The following TRAFD1 variants were observed in gnomAD, a reference collection of about 807,000 sequenced individuals.
The protein encoded by TRAFD1 is TRAF-type zinc finger domain-containing protein 1.
Under a neutral mutation model 65.3 loss-of-function variants are expected in TRAFD1, and 38 were observed. The observed-to-expected ratio is 0.58, with a 90% confidence interval of 0.45 to 0.76. The LOEUF is 0.76. Among genes scored for constraint, TRAFD1 ranks in the 30% least tolerant of loss-of-function variants. The probability of loss-of-function intolerance (pLI) is 0.00; values close to 1 mark genes in which losing one functional copy is unlikely to be tolerated. For missense variants in TRAFD1, 631 were observed against 712.6 expected, an observed-to-expected ratio of 0.89 and a Z score of 1.30; for synonymous variants, 223 against 257.2, an observed-to-expected ratio of 0.87 and a Z score of 1.27.
chr12:112,126,908 C>T (rs942042957), intron 1 of TRAFD1, among the ~76,000 whole-genome samples: 3 of 152,178 alleles, frequency 2.0e-5, no homozygotes, highest in African/African-American at 7.2e-5. Flanking sequence ...CCCACCTCGC[C>T]CTCCCAAAGT....
Position 112,130,620 on chromosome 12 carries a change from A to G in TRAFD1, c.47+51A>G, listed in dbSNP as rs891025258. 6.7e-7 allele frequency: 1 copy of G among 1,501,466 alleles called. No homozygotes were observed. The highest frequency in any genetic ancestry group is 9.2e-7 in the Non-Finnish European group (1 of 1,083,546). 93.0% of individuals were successfully genotyped at this position (1,501,466 alleles called of 1,614,324 possible). A position where few individuals can be genotyped will look rare whatever the true frequency, so the allele number is the denominator to read the frequency against. The stretch of plus-strand genomic sequence containing the variant: ...TAGTGGAATGAGGACAGTCAAGCTT[A>G]ATCACTATCATTTCCTGATTTAAAA... On this transcript the variant is annotated intron_variant, in intron 2 of 11. Transcript: ENST00000412615. This position sits in a 1 kb window ranked among gnomAD's most constrained non-coding sequence, Gnocchi z 4.4.
rs2079587663 is a variant in TRAFD1, at chr12:112,134,796, A to AT, written c.108dup (p.Gly37TrpfsTer7). ...CCATGAGATCCACTGTCAAAGGAAC[A>AT]TTGGTATGTGTCCTACCTGTAAGGA... is the stretch of plus-strand genomic sequence containing the variant. On this transcript the variant is annotated frameshift_variant, in exon 3 of 12. Coordinates refer to ENST00000412615, the MANE Select transcript of TRAFD1 (RefSeq NM_006700.3). LOFTEE classifies it high-confidence loss of function. The AT allele has an allele frequency of 1.9e-6, 3 of 1,613,704 alleles. No individual in the cohort carries two copies.
intron 7 of TRAFD1, 67 bp downstream of exon 7, chr12:112,145,729 C>A: frequency 7.1e-7 from 1 of 1,398,832 alleles, no homozygotes; most frequent in Non-Finnish European, 1.0e-6. Flanking sequence ...TGTTGCAGGC[C>A]ACATGAGGCC....
At chr12:112,141,492 A>C (rs1345437215) in intron 5 of TRAFD1, 1 of 415,230 alleles carries the variant, frequency 2.4e-6, no homozygotes, top group Non-Finnish European at 4.3e-6. Context: ...TTGGGGCCAG[A>C]AGTGGTTTGG....
chr12:112,128,772 C>G (rs1182329591), intron 1 of TRAFD1, among the ~76,000 whole-genome samples: 4 of 152,104 alleles, frequency 2.6e-5, no homozygotes, highest in Non-Finnish European at 4.4e-5. Flanking sequence ...CACGGTGACT[C>G]ATGCCTGTAA....
intron 3 of TRAFD1, 61 bp downstream of exon 3, chr12:112,134,934 T>G (rs1205373933): frequency 6.2e-7 from 1 of 1,612,556 alleles, no homozygotes; most frequent in Non-Finnish European, 8.5e-7. Flanking sequence ...TTCGTAAATG[T>G]ATTCTGTTTG....
chr12:112,131,659 T>C (rs2079566815), intron 2 of TRAFD1, among the ~76,000 whole-genome samples: 1 of 152,220 alleles, frequency 6.6e-6, no homozygotes, highest in African/African-American at 2.4e-5. Flanking sequence ...TTAGCAGTTT[T>C]ATCTGGATAC....
chr12:112,145,510 C>A, intron 6 of TRAFD1, 76 bp from the exon 7 acceptor site: 1 of 1,428,136 alleles, frequency 7.0e-7, no homozygotes, highest in Non-Finnish European at 9.8e-7. Flanking sequence ...ATATAAGACC[C>A]CATAAAGAGG....
chr12:112,152,134 G>A lies in TRAFD1; in HGVS notation c.1613G>A (p.Gly538Glu). ...SFSPGPSGRYGASGRSEGGRN... is the reference protein window; with the variant it reads ...SFSPGPSGRYEASGRSEGGRN... ...TCCCCTGGGCCTTCAGGGAGATACG[G>A]AGCTAGGTAAGAATCAGTAGCCCAG... The change falls in exon 10 of 12, where the codon GGA becomes GAA. Residue 538 changes from glycine to glutamate, a missense_variant. By Grantham distance (98) the Gly-to-Glu change is moderately conservative. Coordinates refer to ENST00000412615, the MANE Select transcript of TRAFD1 (RefSeq NM_006700.3). The surrounding 1 kb of genome is among the most constrained non-coding windows in gnomAD (Gnocchi z 5.0). The A allele has an allele frequency of 3.7e-6, 6 of 1,610,198 alleles. No homozygotes were observed. The highest frequency in any genetic ancestry group is 5.1e-6 in the Non-Finnish European group (6 of 1,177,410).
chr12:112,149,340 A>AGAG (rs2030338539), intron 8 of TRAFD1: 2 of 163,316 alleles, frequency 1.2e-5, no homozygotes, highest in African/African-American at 2.4e-5. Context: ...TACTCTGGTG[A>AGAG]GAGTATAGAA....
rs145546036 is a variant in TRAFD1, at chr12:112,152,474, C to T, written c.1667C>T (p.Ala556Val). 8.3e-4 allele frequency: 1,341 copies of T among 1,613,842 alleles called. 5 individuals are homozygous for T. Among genetic ancestry groups the T allele is most frequent in the Non-Finnish European group, 6.2e-4 (728 of 1,180,042 alleles). ...GRNSRVTPAA[A>V]NYRSRTAKAK... is the part of the protein sequence containing the mutation. The stretch of plus-strand genomic sequence containing the variant: ...AATTCCCGGGTCACCCCTGCAGCTG[C>T]CAACTACCGCAGCAGAACTGCAAAG... The change falls in exon 11 of 12, where the codon GCC (alanine) becomes GTC (valine). Residue 556 changes from alanine (A) to valine (V), a missense_variant. Coordinates refer to ENST00000412615, the MANE Select transcript of TRAFD1 (RefSeq NM_006700.3). This position sits in a 1 kb window ranked among gnomAD's most constrained non-coding sequence, Gnocchi z 5.0.
intron 8 of TRAFD1, 157 bp from the exon 9 acceptor site, chr12:112,149,594 A>G: frequency 1.1e-6 from 1 of 914,570 alleles, no homozygotes; most frequent in Non-Finnish European, 1.6e-6. Flanking sequence ...ATTGAATGCA[A>G]CCATTCCAGA....
At position 112,142,147 on chromosome 12, in the gene TRAFD1, T is replaced by G. The variant is rs771616039; in HGVS notation, c.702T>G (p.Gly234=). ...NRGQQPPKEG[G]EESANLDFML... The stretch of plus-strand genomic sequence containing the variant: ...GCCAACAGCCCCCCAAAGAGGGTGG[T>G]GAAGAGAGTGCAAACTTGGACTTCA... Residue 234 remains glycine (G), a synonymous_variant, in exon 6 of 12, where the codon GGT becomes GGG. Transcript: ENST00000412615. 7 of 1,612,900 alleles carry G rather than the reference T, an allele frequency of 4.3e-6. No individual in the cohort carries two copies. The highest frequency in any genetic ancestry group is 5.9e-6 in the Non-Finnish European group (7 of 1,179,798).
chr12:112,153,054 TGCCAGGGCTCCCTTTTGACTTATTGTC>T lies in TRAFD1; in HGVS notation c.*268_*294del. 2.4e-6 allele frequency: 1 copy of T among 420,532 alleles called. No individual in the cohort carries two copies. Among genetic ancestry groups the T allele is most frequent in the South Asian group, 3.8e-5 (1 of 26,444 alleles). The allele number at this position is 420,532 out of a possible 1,614,324, so 26.1% of individuals were successfully genotyped here. A position where few individuals can be genotyped will look rare whatever the true frequency, so the allele number is the denominator to read the frequency against. On this transcript the variant is annotated 3_prime_UTR_variant, in exon 12 of 12. Transcript: ENST00000412615. ...GTGAAATACAAGCTGCAGCCTCGGC[TGCCAGGGCTCCCTTTTGACTTATTGTC>T]GCCACTGCCCCTTGGTGCTGTGTGG... is the stretch of plus-strand genomic sequence containing the variant.
At chr12:112,150,994 C>T (rs2030388459) in intron 9 of TRAFD1, among the ~76,000 whole-genome samples, 1 of 152,068 alleles carries the variant, frequency 6.6e-6, no homozygotes, top group Admixed American at 6.5e-5. Flanking sequence ...AATCCCAGCA[C>T]TTTGGGAGGC....
At chr12:112,143,503 G>T (rs1016564062) in intron 6 of TRAFD1, among the ~76,000 whole-genome samples, 4 of 152,166 alleles carry the variant, frequency 2.6e-5, no homozygotes, top group Admixed American at 2.0e-4. Flanking sequence ...GGGATTATAG[G>T]TGTGAGCCAC....
chr12:112,141,985 TC>T, intron 5 of TRAFD1, 103 bp from the exon 6 acceptor site: 1 of 1,280,792 alleles, frequency 7.8e-7, no homozygotes, highest in Non-Finnish European at 1.1e-6. Context: ...TTTTATTCCT[TC>T]CCGGATGCCT....
chr12:112,152,104 C>T lies in TRAFD1; in HGVS notation c.1583C>T (p.Ser528Phe), dbSNP rs748021530. 6.2e-7 allele frequency: 1 copy of T among 1,613,880 alleles called. No individual in the cohort carries two copies. The highest frequency in any genetic ancestry group is 1.1e-5 in the South Asian group (1 of 91,088). The change falls in exon 10 of 12, where the codon TCT becomes TTT. Residue 528 changes from serine to phenylalanine, a missense_variant. Transcript: ENST00000412615. This position sits in a 1 kb window ranked among gnomAD's most constrained non-coding sequence, Gnocchi z 5.0. The stretch of plus-strand genomic sequence containing the variant: ...CTCTACCCAGAAAACATTGTGCCCT[C>T]TTTCTCCCCTGGGCCTTCAGGGAGA... ...QNLYPENIVP[S>F]FSPGPSGRYG...
rs757656336 is a variant in TRAFD1, at chr12:112,134,803, T to C, written c.113T>C (p.Met38Thr). The C allele has an allele frequency of 4.3e-6, 7 of 1,613,734 alleles. No homozygotes were observed. The highest frequency in any genetic ancestry group is 1.7e-6 in the Non-Finnish European group (2 of 1,179,690). ...ATCCACTGTCAAAGGAACATTGGTA[T>C]GTGTCCTACCTGTAAGGAACCATTT... ...HEIHCQRNIGMCPTCKEPFPK... is the reference protein window; with the variant it reads ...HEIHCQRNIGTCPTCKEPFPK... The change falls in exon 3 of 12, where the codon ATG becomes ACG. Residue 38 changes from methionine to threonine, a missense_variant. Physicochemically the swap from Met to Thr is moderately conservative, Grantham distance 81. Transcript: ENST00000412615.
Sources: allele counts gnomAD v4.1 joint callset (sites outside exome capture counted in the v4.1 genomes callset), GRCh38; gene constraint gnomAD v4.1.1; non-coding constraint Gnocchi (gnomAD v3.1); transcripts MANE v1.5; gene names NCBI Gene and HGNC (gene_info 2026-07-23, HGNC 2026-07-21).